The following INTS4 variants were observed in gnomAD, a reference collection of about 807,000 sequenced individuals.
INTS4 encodes MSTP093.
A neutral mutation model predicts 119.5 loss-of-function variants in INTS4; 70 were observed. That is an observed-to-expected ratio of 0.59 (90% CI 0.48 to 0.71). INTS4 has a LOEUF of 0.71. Ranked by LOEUF, INTS4 falls within the 30% of genes least tolerant of loss-of-function variation. The pLI, the probability that INTS4 is intolerant of heterozygous loss-of-function variation, is 0.00. For synonymous variants in INTS4, 316 were observed against 419.6 expected (o/e 0.75, Z 3.02); for missense variants, 867 against 1,173.2 (o/e 0.74, Z 3.81).
intron 19 of INTS4, among the ~76,000 whole-genome samples, chr11:77,892,816 C>T (rs1952333799): frequency 6.6e-6 from 1 of 152,166 alleles, no homozygotes; most frequent in Non-Finnish European, 1.5e-5. Context: ...AACTCCTGAC[C>T]TCGTGATCCA....
At chr11:77,901,334 A>G (rs1408383003) in intron 18 of INTS4, 87 bp downstream of exon 18, 4 of 1,357,776 alleles carry the variant, frequency 2.9e-6, no homozygotes, top group Non-Finnish European at 4.2e-6. Flanking sequence ...CATTTCACTT[A>G]TCATTAACTT....
At chr11:77,891,989 T>C (rs1411426725) in intron 19 of INTS4, 149 bp from the exon 20 acceptor site, 24 of 1,207,110 alleles carry the variant, frequency 2.0e-5, no homozygotes, top group Admixed American at 1.9e-4. Context: ...CTGGTACCTA[T>C]ACAATCATGC....
At chr11:77,916,596 AC>A (rs769779947) in intron 15 of INTS4, among the ~76,000 whole-genome samples, 4 of 152,218 alleles carry the variant, frequency 2.6e-5, no homozygotes, top group Admixed American at 6.5e-5. Flanking sequence ...CAATCACTAT[AC>A]TACACCACTG....
chr11:77,951,734 G>A (rs1954201075), intron 8 of INTS4, among the ~76,000 whole-genome samples: 1 of 152,246 alleles, frequency 6.6e-6, no homozygotes, highest in African/African-American at 2.4e-5. Context: ...GCAACCTACA[G>A]AATGGGAGAA....
chr11:77,959,893 A>G (rs1424924760), intron 6 of INTS4, among the ~76,000 whole-genome samples: 1 of 151,904 alleles, frequency 6.6e-6, no homozygotes, highest in Non-Finnish European at 1.5e-5. Flanking sequence ...ACTTCATTAT[A>G]CCTTTCTTTA....
chr11:77,970,321 C>T (rs1855674689), intron 4 of INTS4, among the ~76,000 whole-genome samples: 1 of 151,964 alleles, frequency 6.6e-6, no homozygotes. Flanking sequence ...ATTGCTTGAA[C>T]CCAGGAGGCA....
chr11:77,978,934 TG>T, intron 4 of INTS4, 61 bp downstream of exon 4: 1 of 1,002,078 alleles, frequency 1.0e-6, no homozygotes, highest in Non-Finnish European at 1.6e-6. Flanking sequence ...AAACCATTAA[TG>T]GTCCTTAGCA....
At chr11:77,931,242 A>G (rs1953641498) in intron 10 of INTS4, among the ~76,000 whole-genome samples, 1 of 152,234 alleles carries the variant, frequency 6.6e-6, no homozygotes, top group South Asian at 2.1e-4. Context: ...TGCATGCACA[A>G]AGTCCCAAAA....
intron 10 of INTS4, among the ~76,000 whole-genome samples, chr11:77,933,617 C>T (rs866656771): frequency 6.6e-6 from 1 of 152,180 alleles, no homozygotes; most frequent in South Asian, 2.1e-4. Context: ...CCCAAAGTGC[C>T]GAGATTGCAG....
At chr11:77,949,706 G>T (rs1954140403) in intron 8 of INTS4, among the ~76,000 whole-genome samples, 2 of 152,184 alleles carry the variant, frequency 1.3e-5, no homozygotes, top group Admixed American at 1.3e-4. Flanking sequence ...TCATTAAAAA[G>T]TCAGAAAACA....
rs1024712708 is a variant in INTS4, at chr11:77,922,064, C to T, written c.1630+292G>A. ...CCAACATGGTGATACCTCATCTCTA[C>T]TAAAAATACAAAAATTAGCTGGGTG... On this transcript the variant is annotated intron_variant, in intron 13 of 22. Coordinates refer to ENST00000534064, the MANE Select transcript of INTS4 (RefSeq NM_033547.4). Among the ~76,000 whole-genome samples the T allele has an allele frequency of 2.0e-4, 31 of 151,650 alleles. 1 individual carries two copies. The highest frequency in any genetic ancestry group is 3.8e-4 in the Non-Finnish European group (26 of 67,934).
chr11:77,976,686 A>C (rs1279987284), intron 4 of INTS4, among the ~76,000 whole-genome samples: 1 of 152,240 alleles, frequency 6.6e-6, no homozygotes, highest in Non-Finnish European at 1.5e-5. Context: ...CAAATGTCCA[A>C]CAATGATAGA....
Position 77,891,259 on chromosome 11 carries a change from AT to A in INTS4, c.2592+59del, listed in dbSNP as rs1952249772. ...AAGTAGAGACTACAGGGGTGCTAAC[AT>A]TAAATACTTCAACACAATGTCAGTC... is the stretch of plus-strand genomic sequence containing the variant. On this transcript the variant is annotated intron_variant, in intron 21 of 22. Coordinates refer to ENST00000534064, the MANE Select transcript of INTS4 (RefSeq NM_033547.4). The A allele has an allele frequency of 3.2e-6, 5 of 1,547,580 alleles. No individual in the cohort carries two copies. In the Admixed American group the frequency reaches 9.0e-5, roughly 28 times the overall value.
At chr11:77,922,566 T>C (rs1953389641) in intron 12 of INTS4, 95 bp from the exon 13 acceptor site, 2 of 634,188 alleles carry the variant, frequency 3.2e-6, no homozygotes, top group Non-Finnish European at 5.6e-6. Context: ...TGAACTGGAA[T>C]TGGAAATTCT....
At chr11:77,932,596 C>T (rs1591072680) in intron 10 of INTS4, among the ~76,000 whole-genome samples, 1 of 152,184 alleles carries the variant, frequency 6.6e-6, no homozygotes, top group East Asian at 1.9e-4. Context: ...ACCCAGCAAT[C>T]CCATTACTGG....
chr11:77,876,943 TG>T, downstream of INTS4: 1 of 703,230 alleles, frequency 1.4e-6, no homozygotes, highest in Middle Eastern at 2.3e-4. Context: ...TTCATGTTTT[TG>T]TCTAGGCTCC....
chr11:77,894,997 T>G (rs980262550), intron 18 of INTS4, among the ~76,000 whole-genome samples: 2 of 152,224 alleles, frequency 1.3e-5, no homozygotes, highest in Non-Finnish European at 2.9e-5. Flanking sequence ...ACCTAAAAAG[T>G]TAACTAAATT....
At chr11:77,916,643 G>T (rs1394024006) in intron 15 of INTS4, among the ~76,000 whole-genome samples, 1 of 152,188 alleles carries the variant, frequency 6.6e-6, no homozygotes, top group Admixed American at 6.5e-5. Flanking sequence ...AGGTCTCCCA[G>T]CTCTTCTAAT....
In INTS4 at chr11:77,993,411, G is replaced by A. The variant is rs1032129467; in HGVS notation, c.54+1179C>T. ...AAGAATGGCATGTATTCTGTGAGAAGAGACAACCAGTGCAAGAGTTTTGAG... is the reference window on the plus strand; with the variant it reads ...AAGAATGGCATGTATTCTGTGAGAAAAGACAACCAGTGCAAGAGTTTTGAG... On this transcript the variant is annotated intron_variant, in intron 1 of 22. Coordinates refer to ENST00000534064, the MANE Select transcript of INTS4 (RefSeq NM_033547.4). Among the ~76,000 whole-genome samples the A allele has an allele frequency of 2.6e-5, 4 of 152,202 alleles. No homozygotes were observed. The East Asian group carries it at 5.8e-4, about 22-fold the overall frequency.
Sources: allele counts gnomAD v4.1 joint callset (sites outside exome capture counted in the v4.1 genomes callset), GRCh38; gene constraint gnomAD v4.1.1; transcripts MANE v1.5; gene names NCBI Gene and HGNC (gene_info 2026-07-23, HGNC 2026-07-21).